Variants in DGKH observed in about 807,000 individuals in gnomAD.
DGKH encodes DAG kinase eta.
In DGKH, 90 loss-of-function variants were observed where a neutral mutation model predicts 159.3. The observed-to-expected ratio is 0.57, with a 90% CI of 0.48 to 0.67. DGKH has a LOEUF of 0.67. Among genes scored for constraint, DGKH ranks in the 30% least tolerant of loss-of-function variants. The probability of loss-of-function intolerance (pLI) is 0.00; values close to 1 mark genes in which losing one functional copy is unlikely to be tolerated. For missense variants in DGKH, 1,181 were observed against 1,506.1 expected (o/e 0.78, Z 3.57); for synonymous variants, 536 against 553.8 (o/e 0.97, Z 0.45).
At chr13:42,223,321 C>A (rs1958034011) in intron 29 of DGKH, among the ~76,000 whole-genome samples, 1 of 152,132 alleles carries the variant, frequency 6.6e-6, no homozygotes, top group African/African-American at 2.4e-5. Context: ...GTCAGTGGCA[C>A]ACAGGTTCTC....
At chr13:42,096,149 G>T (rs374059949) in intron 1 of DGKH, among the ~76,000 whole-genome samples, 28 of 152,070 alleles carry the variant, frequency 1.8e-4, no homozygotes, top group African/African-American at 6.5e-4. Flanking sequence ...TGTTACCCGG[G>T]TATATTGTGG....
At chr13:42,078,328 C>G (rs933003703) in intron 1 of DGKH, among the ~76,000 whole-genome samples, 1 of 152,206 alleles carries the variant, frequency 6.6e-6, no homozygotes, top group Non-Finnish European at 1.5e-5. Context: ...CAGGAGGCCG[C>G]TCCTATTACT....
intron 20 of DGKH, among the ~76,000 whole-genome samples, chr13:42,203,903 C>G (rs1200007438): frequency 1.3e-5 from 2 of 152,118 alleles, no homozygotes; most frequent in African/African-American, 2.4e-5. Context: ...AAATTTAACA[C>G]TCCTGAAGTT....
chr13:42,143,593 T>C (rs7490818), intron 3 of DGKH, among the ~76,000 whole-genome samples: 19,520 of 152,220 alleles, frequency 0.13, 1,597 homozygotes, highest in Admixed American at 0.22. Context: ...TATTGGTCTA[T>C]TCAGAGATTC....
At chr13:42,105,002 T>A (rs9590663) in intron 1 of DGKH, among the ~76,000 whole-genome samples, 18,701 of 140,588 alleles carry the variant, frequency 0.13, 1,531 homozygotes, top group Admixed American at 0.23. Flanking sequence ...AGTTGTATCA[T>A]GTGTTTATGT....
chr13:42,145,942 G>T (rs1014847352), intron 3 of DGKH, among the ~76,000 whole-genome samples: 4 of 152,150 alleles, frequency 2.6e-5, no homozygotes, highest in African/African-American at 9.7e-5. Flanking sequence ...GGCCTTTGTG[G>T]TCTGGTTTCT....
chr13:42,149,491 A>T (rs144474970), intron 3 of DGKH, among the ~76,000 whole-genome samples: 3 of 152,184 alleles, frequency 2.0e-5, no homozygotes, highest in African/African-American at 4.8e-5. Context: ...TGGGTATTTC[A>T]TTTCTGTTTC....
chr13:42,121,066 T>TACACACACATACACACAC (rs1555262945), intron 1 of DGKH, among the ~76,000 whole-genome samples: 5 of 144,734 alleles, frequency 3.5e-5, no homozygotes, highest in Admixed American at 7.0e-5. Context: ...ATATATATTA[T>TACACACACATACACACAC]ACACACACAC....
At chr13:42,214,663 A>C (rs1407608835) in intron 25 of DGKH, 51 bp downstream of exon 25, 2 of 1,579,944 alleles carry the variant, frequency 1.3e-6, no homozygotes, top group Non-Finnish European at 1.7e-6. Flanking sequence ...TGGGTGTTAC[A>C]CATGTATTTT....
At chr13:42,207,411 G>A (rs895673248) in intron 21 of DGKH, among the ~76,000 whole-genome samples, 5 of 151,158 alleles carry the variant, frequency 3.3e-5, no homozygotes, top group African/African-American at 1.2e-4. Context: ...GGGTGGTCTC[G>A]AACTTCTGAC....
rs182329544 is a variant in DGKH, at chr13:42,193,263, A to G, written c.2036-1622A>G. Among the ~76,000 whole-genome samples, 15 of 152,342 alleles carry G rather than the reference A, an allele frequency of 9.8e-5. No individual in the cohort carries two copies. In the South Asian group the frequency reaches 2.5e-3, roughly 25 times the overall value. ...TTATTTAATGGTTTTCCAACCGGCT[A>G]TCATCCCACCTTGCCATACTCTTAA... On this transcript the variant is annotated intron_variant, in intron 16 of 29. Coordinates refer to ENST00000337343, the MANE Select transcript of DGKH (RefSeq NM_178009.5).
At chr13:42,159,462 CT>C in intron 6 of DGKH, 90 bp downstream of exon 6, 1 of 913,212 alleles carries the variant, frequency 1.1e-6, no homozygotes, top group Non-Finnish European at 1.7e-6. Flanking sequence ...AGTAGGAATG[CT>C]TATTATTAGG....
intron 7 of DGKH, among the ~76,000 whole-genome samples, chr13:42,160,756 A>C (rs1169741046): frequency 6.6e-6 from 1 of 152,220 alleles, no homozygotes; most frequent in Non-Finnish European, 1.5e-5. Context: ...ATTGCCTTGC[A>C]CTGGGGCTGA....
At chr13:42,254,591 C>T (rs1197118936) in intron 30 of DGKH, among the ~76,000 whole-genome samples, 1 of 151,300 alleles carries the variant, frequency 6.6e-6, no homozygotes, top group Non-Finnish European at 1.5e-5. Flanking sequence ...CAAGATCATG[C>T]CATTGCACTC....
chr13:42,209,673 A>C (rs948651298), intron 23 of DGKH, among the ~76,000 whole-genome samples: 3 of 152,224 alleles, frequency 2.0e-5, no homozygotes, highest in Non-Finnish European at 4.4e-5. Context: ...AACTGGGCAG[A>C]AAGTAAAGAG....
rs1452752202 is a variant in DGKH at position 42,219,304 on chromosome 13, A to C, written c.3288A>C (p.Thr1096=). ...HSVEVELQKL[T]EIPWLYYILH... is the part of the protein sequence containing the mutation. ...TGGAGGTGGAATTACAGAAACTGAC[A>C]GAGATTCCTTGGCTTTATTATATCT... The change falls in exon 27 of 30, where the codon ACA becomes ACC. Residue 1096 remains threonine, a synonymous_variant. Transcript: ENST00000337343. The C allele has an allele frequency of 2.5e-6, 4 of 1,613,884 alleles. No homozygotes were observed. The highest frequency in any genetic ancestry group is 3.4e-6 in the Non-Finnish European group (4 of 1,179,914).
At chr13:42,227,129 A>G (rs1405070433) in intron 29 of DGKH, among the ~76,000 whole-genome samples, 1 of 152,170 alleles carries the variant, frequency 6.6e-6, no homozygotes, top group Non-Finnish European at 1.5e-5. Flanking sequence ...AGGGGAGAAT[A>G]TCAGGATAAA....
chr13:42,097,019 C>G (rs372444082), intron 1 of DGKH, among the ~76,000 whole-genome samples: 1 of 152,202 alleles, frequency 6.6e-6, no homozygotes, highest in Non-Finnish European at 1.5e-5. Flanking sequence ...GCCTCCAGAA[C>G]TGGGAAATCC....
At chr13:42,245,371 A>G (rs1383533178), downstream of DGKH, among the ~76,000 whole-genome samples, 2 of 152,172 alleles carry the variant, frequency 1.3e-5, no homozygotes, top group African/African-American at 4.8e-5. Flanking sequence ...TGTGCACATT[A>G]TCTATTTGTT....
Sources: gnomAD v4.1 joint callset for allele counts (sites outside exome capture counted in the v4.1 genomes callset) on GRCh38, gnomAD v4.1.1 for gene constraint, MANE v1.5 for transcripts, NCBI Gene and HGNC (gene_info 2026-07-23, HGNC 2026-07-21) for gene names.